The following AP2B1 variants were observed in gnomAD, a reference collection of about 807,000 sequenced individuals.
AP2B1 encodes the protein adaptor related protein complex 2 subunit beta 1.
A neutral mutation model predicts 102.0 loss-of-function variants in AP2B1; 23 were observed. That is an observed-to-expected ratio of 0.23 (90% confidence interval 0.16 to 0.32). AP2B1 has a LOEUF of 0.32. Among genes scored for constraint, AP2B1 ranks in the 10% least tolerant of loss-of-function variants. The pLI, the probability that AP2B1 is intolerant of heterozygous loss-of-function variation, is 1.00. For missense variants in AP2B1, 541 were observed against 1,157.4 expected (o/e 0.47, Z 7.73); for synonymous variants, 381 against 421.2 (o/e 0.90, Z 1.17).
intron 20 of AP2B1, among the ~76,000 whole-genome samples, chr17:35,714,005 A>G (rs1456212741): frequency 6.6e-6 from 1 of 152,236 alleles, no homozygotes; most frequent in Admixed American, 6.5e-5. Context: ...GTGCACAAGA[A>G]GTAGTTGCAT....
intron 12 of AP2B1, among the ~76,000 whole-genome samples, chr17:35,650,098 C>T (rs551364737): frequency 7.2e-5 from 11 of 152,050 alleles, no homozygotes; most frequent in South Asian, 2.1e-4. Flanking sequence ...TACAGGCACA[C>T]GCCACCAAGC....
At chr17:35,709,444 T>G (rs2076405396) in intron 19 of AP2B1, 136 bp downstream of exon 19, 1 of 673,022 alleles carries the variant, frequency 1.5e-6, no homozygotes, top group African/African-American at 1.8e-5. Flanking sequence ...AAGCTCTTAA[T>G]AATTGCTCAT....
chr17:35,663,706 T>C (rs570804594), intron 14 of AP2B1, among the ~76,000 whole-genome samples: 19 of 152,356 alleles, frequency 1.2e-4, no homozygotes, highest in African/African-American at 3.8e-4. Context: ...ACTGGTGTGT[T>C]ACCACTTAGA....
In AP2B1 at chr17:35,724,896, T is replaced by G. The variant is rs141453915; in HGVS notation, c.*1197T>G. ...AGGTGGCAGCTGAATATCTTTTGAA[T>G]TACTCGAAGGTAAAGCCAGATGCCA... On this transcript the variant is annotated 3_prime_UTR_variant, in exon 22 of 22. Transcript: ENST00000610402. 3.3e-5 allele frequency: 5 copies of G among 152,336 alleles called. No homozygotes were observed. The East Asian group carries it at 7.7e-4, about 23-fold the overall frequency. The allele number at this position is 152,336 out of a possible 1,614,324, so 9.4% of individuals were successfully genotyped here.
intron 5 of AP2B1, chr17:35,621,167 A>G (rs950036398): frequency 1.9e-5 from 4 of 207,110 alleles, no homozygotes; most frequent in Non-Finnish European, 3.4e-5. Context: ...ATATATTCAT[A>G]GTACAGAATT....
chr17:35,679,657 C>A (rs1272987983), intron 17 of AP2B1, among the ~76,000 whole-genome samples: 1 of 152,048 alleles, frequency 6.6e-6, no homozygotes, highest in Non-Finnish European at 1.5e-5. Flanking sequence ...TCCTCTATTT[C>A]ATTTCTTAAA....
At chr17:35,629,052 G>A (rs1376416220) in intron 9 of AP2B1, among the ~76,000 whole-genome samples, 3 of 151,956 alleles carry the variant, frequency 2.0e-5, no homozygotes, top group Non-Finnish European at 4.4e-5. Flanking sequence ...GGGCTCAAGC[G>A]ACTCTTATGC....
At chr17:35,644,439 G>A (rs1242234125) in intron 12 of AP2B1, among the ~76,000 whole-genome samples, 3 of 151,944 alleles carry the variant, frequency 2.0e-5, no homozygotes, top group African/African-American at 4.8e-5. Flanking sequence ...GTGCAGTGGC[G>A]TGATCTCGGC....
At chr17:35,617,324 GGGA>G (rs1241376890) in intron 5 of AP2B1, among the ~76,000 whole-genome samples, 1 of 152,158 alleles carries the variant, frequency 6.6e-6, no homozygotes, top group Non-Finnish European at 1.5e-5. Flanking sequence ...CCAAAGTGCT[GGGA>G]TTACAGGCGT....
intron 11 of AP2B1, 56 bp from the exon 12 acceptor site, chr17:35,641,821 G>A (rs980393878): frequency 4.9e-5 from 64 of 1,318,882 alleles, no homozygotes; most frequent in Non-Finnish European, 6.9e-5. Context: ...GGAGATGATG[G>A]CAGGGAATAA....
At chr17:35,689,136 T>C (rs1416339164) in intron 18 of AP2B1, among the ~76,000 whole-genome samples, 1 of 152,182 alleles carries the variant, frequency 6.6e-6, no homozygotes, top group Non-Finnish European at 1.5e-5. Flanking sequence ...TTGAAACAAA[T>C]CCCAGACATT....
intron 2 of AP2B1, among the ~76,000 whole-genome samples, chr17:35,597,965 G>T (rs1346590842): frequency 6.6e-6 from 1 of 152,094 alleles, no homozygotes; most frequent in Admixed American, 6.6e-5. Flanking sequence ...ATGAGATTTG[G>T]TTTTTCCCAC....
intron 18 of AP2B1, among the ~76,000 whole-genome samples, chr17:35,684,043 T>C (rs1278098051): frequency 6.6e-6 from 1 of 152,158 alleles, no homozygotes; most frequent in African/African-American, 2.4e-5. Flanking sequence ...TAAATTAATA[T>C]AAAATTGGCC....
intron 21 of AP2B1, among the ~76,000 whole-genome samples, chr17:35,722,501 G>T (rs1457069175): frequency 6.6e-6 from 1 of 152,004 alleles, no homozygotes; most frequent in Admixed American, 6.6e-5. Flanking sequence ...TTGGTTTGGG[G>T]TTTTTTTGCA....
Position 35,655,614 on chromosome 17 carries a change from G to T in AP2B1, c.1797-1985G>T, listed in dbSNP as rs542277859. Among the ~76,000 whole-genome samples the T allele has an allele frequency of 7.8e-4, 118 of 152,210 alleles. 1 individual carries two copies. Among genetic ancestry groups the T allele is most frequent in the African/African-American group, 2.8e-3 (116 of 41,534 alleles). On this transcript the variant is annotated intron_variant, in intron 13 of 21. Transcript: ENST00000610402. ...GGCTGCTGTGAATATTCTTGTATTT[G>T]TCTTTTGGTAGACTTATGTATATAT...
Position 35,632,112 on chromosome 17 carries a change from G to A in AP2B1, c.1156-4229G>A, listed in dbSNP as rs114214358. 6.5e-3 allele frequency among the ~76,000 whole-genome samples: 967 copies of A among 149,702 alleles called. 9 individuals carry two copies. Among genetic ancestry groups the A allele is most frequent in the African/African-American group, 0.023 (920 of 40,754 alleles). On this transcript the variant is annotated intron_variant, in intron 9 of 21. Transcript: ENST00000610402. ...TATTTTTTTTTTTTTTACTTCTATGGCAATGATTTTGTTTTATTTGTTTTT... is the reference window on the plus strand; with the variant it reads ...TATTTTTTTTTTTTTTACTTCTATGACAATGATTTTGTTTTATTTGTTTTT...
Position 35,653,954 on chromosome 17 carries a change from C to A in AP2B1, c.1796+3165C>A, listed in dbSNP as rs560036897. On this transcript the variant is annotated intron_variant, in intron 13 of 21. Coordinates refer to ENST00000610402, the MANE Select transcript of AP2B1 (RefSeq NM_001030006.2). ...TTTTTCCTGTCGTCCTTCTAGAGTC[C>A]CCTGTGATTATTAGCTAATCTTTTG... Among the ~76,000 whole-genome samples, 42 of 152,102 alleles carry A rather than the reference C, an allele frequency of 2.8e-4. No homozygotes were observed. In the South Asian group the frequency reaches 4.2e-3, roughly 15 times the overall value.
rs190617177 is a variant in AP2B1, at chr17:35,622,598, G to T, written c.526-1799G>T. Among the ~76,000 whole-genome samples, 10 of 152,242 alleles carry T rather than the reference G, an allele frequency of 6.6e-5. No homozygotes were observed. In the East Asian group the frequency reaches 1.9e-3, roughly 29 times the overall value. On this transcript the variant is annotated intron_variant, in intron 5 of 21. Coordinates refer to ENST00000610402, the MANE Select transcript of AP2B1 (RefSeq NM_001030006.2). ...ACTAACAATGGTTTTACATTTTTGAGAATATTTCCAATATATATAATTGCT... is the reference window on the plus strand; with the variant it reads ...ACTAACAATGGTTTTACATTTTTGATAATATTTCCAATATATATAATTGCT...
At position 35,626,590 on chromosome 17, in the gene AP2B1, C is replaced by A. The variant is rs187880276; in HGVS notation, c.717-31C>A. The A allele has an allele frequency of 2.0e-4, 298 of 1,492,372 alleles. No individual in the cohort carries two copies. The African/African-American group carries it at 4.0e-3, about 20-fold the overall frequency. 92.4% of individuals were successfully genotyped at this position (1,492,372 alleles called of 1,614,324 possible). On this transcript the variant is annotated intron_variant, in intron 6 of 21. Transcript: ENST00000610402. Reference sequence around the variant, plus strand: ...TGAATTCAGCAAATAAATTATAATTCATGATATTAATTTTCATTCTCCACC... The same window carrying A: ...TGAATTCAGCAAATAAATTATAATTAATGATATTAATTTTCATTCTCCACC...
Sources: allele counts gnomAD v4.1 joint callset (sites outside exome capture counted in the v4.1 genomes callset), GRCh38; gene constraint gnomAD v4.1.1; transcripts MANE v1.5; gene names NCBI Gene and HGNC (gene_info 2026-07-23, HGNC 2026-07-21).